FBRS: variants seen among roughly 807,000 people sequenced by gnomAD.
The protein encoded by FBRS is fibrosin.
A neutral mutation model predicts 86.1 loss-of-function variants in FBRS; 15 were observed. The ratio of observed to expected loss-of-function variants is 0.17; its 90% CI spans 0.12 to 0.27. The LOEUF is 0.27. Ranked by LOEUF, FBRS falls within the 10% of genes least tolerant of loss-of-function variation. The pLI is 1.00. For missense variants in FBRS, 1,367 were observed against 1,301.6 expected (o/e 1.05, Z -0.77); for synonymous variants, 666 against 575.8 (o/e 1.16, Z -2.24).
chr16:30,666,039 T>G (rs2052518722), intron 11 of FBRS: 1 of 403,244 alleles, frequency 2.5e-6, no homozygotes, highest in Non-Finnish European at 4.5e-6. Flanking sequence ...TGCCCCTTGG[T>G]GAAGTGAGGA....
chr16:30,664,425 C>CCCGGGG lies in FBRS; in HGVS notation c.1266_1267insCCGGGG (p.Ser422_Leu423insProGly). The CCCGGGG allele has an allele frequency of 7.1e-7, 1 of 1,401,656 alleles. No homozygotes were observed. The highest frequency in any genetic ancestry group is 9.5e-7 in the Non-Finnish European group (1 of 1,054,478). 86.8% of individuals were successfully genotyped at this position (1,401,656 alleles called of 1,614,324 possible). On this transcript the variant is annotated inframe_insertion, in exon 7 of 18. Transcript: ENST00000356166. ...CCCCCCCACCACCCCACCACCCCTCCTTGTTCTCCCCTGGCCCCACCCTGC... is the reference window on the plus strand; with the variant it reads ...CCCCCCCACCACCCCACCACCCCTCCCCGGGGTTGTTCTCCCCTGGCCCCACCCTGC...
rs1177759757 is a variant in FBRS at position 30,660,161 on chromosome 16, C to T, written c.460-102C>T. On this transcript the variant is annotated intron_variant, in intron 1 of 17. Transcript: ENST00000356166. ...GAGGTAGAGCTCGTCTCTGGGGACC[C>T]GGTTTCCCGGCCCGAGGGGTACTTC... 5.7e-6 allele frequency: 8 copies of T among 1,409,746 alleles called. No individual in the cohort carries two copies. In the Admixed American group the frequency reaches 1.3e-4, roughly 22 times the overall value. 87.3% of individuals were successfully genotyped at this position (1,409,746 alleles called of 1,614,324 possible). A position where few individuals can be genotyped will look rare whatever the true frequency, so the allele number is the denominator to read the frequency against.
Position 30,667,587 on chromosome 16 carries a change from C to T in FBRS, c.2039C>T (p.Ala680Val). The T allele has an allele frequency of 6.5e-7, 1 of 1,541,430 alleles. No individual in the cohort carries two copies. Among genetic ancestry groups the T allele is most frequent in the Non-Finnish European group, 8.8e-7 (1 of 1,142,218 alleles). ...AANPFTAAPGAHGPFLSPSTH... is the reference protein window; with the variant it reads ...AANPFTAAPGVHGPFLSPSTH... ...AACCCTTTCACGGCAGCTCCCGGGG[C>T]CCACGGACCCTTCCTGAGCCCCAGC... The change falls in exon 15 of 18, where the codon GCC becomes GTC. Residue 680 changes from alanine (A) to valine (V), a missense_variant. Around this residue, in one of 3 missense-constraint regions of FBRS, gnomAD observed 659 missense variants for 678.8 expected, o/e 0.97. Transcript: ENST00000356166.
chr16:30,668,422 A>G, intron 15 of FBRS, 138 bp from the exon 16 acceptor site: 6 of 726,766 alleles, frequency 8.3e-6, no homozygotes, highest in Non-Finnish European at 4.7e-6. Context: ...TCCTGGCCCA[A>G]GGAAGTGCTC....
rs1441989582 is a variant in FBRS at position 30,662,689 on chromosome 16, A to G, written c.885A>G (p.Pro295=). The change falls in exon 6 of 18, where the codon CCA becomes CCG. Residue 295 remains proline, a synonymous_variant. Transcript: ENST00000356166. Reference sequence around the variant, plus strand: ...ACCCGCTGCTAGTGCCTTTCCCCCCAAAGGAACCACCGCCTCCACCGGTCC... The same window carrying G: ...ACCCGCTGCTAGTGCCTTTCCCCCCGAAGGAACCACCGCCTCCACCGGTCC... ...GPDPLLVPFP[P]KEPPPPPVPR... The G allele has an allele frequency of 6.5e-7, 1 of 1,548,874 alleles. No individual in the cohort carries two copies. Among genetic ancestry groups the G allele is most frequent in the African/African-American group, 1.4e-5 (1 of 73,080 alleles).
At position 30,659,388 on chromosome 16, in the gene FBRS, C is replaced by G. The variant is rs1056390699; in HGVS notation, c.-131C>G. ...TGGGGCAAGCTCGGGGCCAGCAGAT[C>G]CGGCTTTAAAGGAGAAGCCGTGGCC... On this transcript the variant is annotated 5_prime_UTR_variant, in exon 1 of 18. The change creates a new upstream start codon in the 5' untranslated region. Coordinates refer to ENST00000356166, the MANE Select transcript of FBRS (RefSeq NM_001105079.3). The G allele has an allele frequency of 1.5e-5, 3 of 199,846 alleles. No individual in the cohort carries two copies. Among genetic ancestry groups the G allele is most frequent in the African/African-American group, 7.1e-5 (3 of 42,346 alleles). 12.4% of individuals were successfully genotyped at this position (199,846 alleles called of 1,614,324 possible). A position where few individuals can be genotyped will look rare whatever the true frequency, so the allele number is the denominator to read the frequency against.
Position 30,664,916 on chromosome 16 carries a change from A to C in FBRS, c.1559A>C (p.His520Pro). ...GGCCTGCTGCCACCCCACGGCCCCC[A>C]CATGGTGAGCTCCTCATTGGGCTGG... Reference protein sequence around the residue: ...PPGLLPPHGPHMFEKYPGKME... With the variant: ...PPGLLPPHGPPMFEKYPGKME... The change falls in exon 8 of 18, where the codon CAC (histidine) becomes CCC (proline). Residue 520 changes from histidine (H) to proline (P), a missense_variant. His to Pro is a moderately conservative substitution (Grantham distance 77). Around this residue, in one of 3 missense-constraint regions of FBRS, gnomAD observed 659 missense variants for 678.8 expected, o/e 0.97. Transcript: ENST00000356166. 1 of 1,610,670 alleles carries C rather than the reference A, an allele frequency of 6.2e-7. No homozygotes were observed. Among genetic ancestry groups the C allele is most frequent in the Non-Finnish European group, 8.5e-7 (1 of 1,178,304 alleles).
rs953116087 is a variant in FBRS, at chr16:30,669,228, CGCT to C, written c.2529_2531del (p.Ala849del). On this transcript the variant is annotated inframe_deletion, in exon 18 of 18. Transcript: ENST00000356166. The surrounding 1 kb of genome is among the most constrained non-coding windows in gnomAD (Gnocchi z 5.9). ...CCGCTGCCGCTGCTGCTGCCGCCGCCGCTGCCGCCGCCGCAGCAGCCACTGGGC... is the reference window on the plus strand; with the variant it reads ...CCGCTGCCGCTGCTGCTGCCGCCGCCGCCGCCGCCGCAGCAGCCACTGGGC... The C allele has an allele frequency of 1.3e-6, 2 of 1,543,400 alleles. No homozygotes were observed. Among genetic ancestry groups the C allele is most frequent in the Non-Finnish European group, 1.8e-6 (2 of 1,142,348 alleles).
Position 30,662,560 on chromosome 16 carries a change from C to T in FBRS, c.756C>T (p.Ala252=). ...CATGTCTGCCATCCTGCCCCACAGC[C>T]TCGGGCCCCCACGGCGCCTTCAATG... is the stretch of plus-strand genomic sequence containing the variant. ...DPSFTVSTSK[A]SGPHGAFNGN... is the part of the protein sequence containing the mutation. The change falls in exon 6 of 18, where the codon GCC becomes GCT. Residue 252 remains alanine, a splice_region_variant and synonymous_variant. Transcript: ENST00000356166. 1.3e-6 allele frequency: 2 copies of T among 1,544,892 alleles called. No homozygotes were observed. Among genetic ancestry groups the T allele is most frequent in the East Asian group, 2.5e-5 (1 of 40,788 alleles).
At position 30,669,422 on chromosome 16, in the gene FBRS, C is replaced by A; in HGVS notation, c.2720C>A (p.Pro907His). The stretch of plus-strand genomic sequence containing the variant: ...GAGGCGGGTGAGGAGCTAACTGGAC[C>A]CGGGGCCGTGGCCGCTGCCCGCCTC... Reference protein sequence around the residue: ...FYEAGEELTGPGAVAAARLYG... With the variant: ...FYEAGEELTGHGAVAAARLYG... The change falls in exon 18 of 18, where the codon CCC (proline) becomes CAC (histidine). Residue 907 changes from proline to histidine, a missense_variant. Around this residue, in one of 3 missense-constraint regions of FBRS, gnomAD observed 659 missense variants for 678.8 expected, o/e 0.97. Transcript: ENST00000356166. This position sits in a 1 kb window ranked among gnomAD's most constrained non-coding sequence, Gnocchi z 5.9. 1 of 1,612,844 alleles carries A rather than the reference C, an allele frequency of 6.2e-7. No homozygotes were observed. The highest frequency in any genetic ancestry group is 1.1e-5 in the South Asian group (1 of 91,084).
Position 30,668,987 on chromosome 16 carries a change from T to TCCCCCCCCCCCCCGCCCCCCCCC in FBRS, c.2366+11_2366+12insCCCCCCCCCCGCCCCCCCCCCCC. ...CAAGGAGGAGAAGGACAGGTGTGCC[T>TCCCCCCCCCCCCCGCCCCCCCCC]CCCACCCACCCTGCCCCTGCCCCAC... is the stretch of plus-strand genomic sequence containing the variant. On this transcript the variant is annotated intron_variant, in intron 17 of 17. Transcript: ENST00000356166. 6.8e-7 allele frequency: 1 copy of TCCCCCCCCCCCCCGCCCCCCCCC among 1,481,134 alleles called. No individual in the cohort carries two copies. Among genetic ancestry groups the TCCCCCCCCCCCCCGCCCCCCCCC allele is most frequent in the Non-Finnish European group, 9.2e-7 (1 of 1,088,976 alleles). The allele number at this position is 1,481,134 out of a possible 1,614,324, so 91.7% of individuals were successfully genotyped here.
In FBRS at chr16:30,665,527, A is replaced by G. The variant is rs2052512993; in HGVS notation, c.1705-111A>G. The G allele has an allele frequency of 1.4e-6, 2 of 1,437,772 alleles. No individual in the cohort carries two copies. Among genetic ancestry groups the G allele is most frequent in the Admixed American group, 2.0e-5 (1 of 50,558 alleles). The allele number at this position is 1,437,772 out of a possible 1,614,324, so 89.1% of individuals were successfully genotyped here. A position where few individuals can be genotyped will look rare whatever the true frequency, so the allele number is the denominator to read the frequency against. On this transcript the variant is annotated intron_variant, in intron 10 of 17. Coordinates refer to ENST00000356166, the MANE Select transcript of FBRS (RefSeq NM_001105079.3). The surrounding 1 kb of genome is among the most constrained non-coding windows in gnomAD (Gnocchi z 4.1). ...CCTCCTGCCCTGCCCTGCTGCACCC[A>G]GTTTTCTCCAAAGCCATGATCCCTC...
chr16:30,666,978 G>A lies in FBRS; in HGVS notation c.1863G>A (p.Gln621=). Residue 621 remains glutamine (Q), a synonymous_variant, in exon 13 of 18, where the codon CAG becomes CAA. Transcript: ENST00000356166. ...TGGCTTACATGATCCTGAGACACCA[G>A]GAGAAAATGAAGGTACTGGGGCCGG... is the stretch of plus-strand genomic sequence containing the variant. ...VRVAYMILRH[Q]EKMKGDSHKL... The A allele has an allele frequency of 5.0e-6, 8 of 1,610,484 alleles. No homozygotes were observed. Among genetic ancestry groups the A allele is most frequent in the African/African-American group, 1.3e-5 (1 of 75,010 alleles).
Position 30,662,682 on chromosome 16 carries a change from T to A in FBRS, c.878T>A (p.Phe293Tyr). The change falls in exon 6 of 18, where the codon TTC (phenylalanine) becomes TAC (tyrosine). Residue 293 changes from phenylalanine to tyrosine, a missense_variant. Coordinates refer to ENST00000356166, the MANE Select transcript of FBRS (RefSeq NM_001105079.3). ...GGGCCCGACCCGCTGCTAGTGCCTT[T>A]CCCCCCAAAGGAACCACCGCCTCCA... ...PPGPDPLLVP[F>Y]PPKEPPPPPV... The A allele has an allele frequency of 1.9e-6, 3 of 1,548,684 alleles. No homozygotes were observed. In the East Asian group the frequency reaches 7.4e-5, roughly 38 times the overall value.
intron 4 of FBRS, 23 bp downstream of exon 4, chr16:30,661,356 T>G: frequency 6.4e-7 from 1 of 1,550,652 alleles, no homozygotes; most frequent in Non-Finnish European, 8.7e-7. Flanking sequence ...AGAGCTTGGG[T>G]GGGCAGTGTC....
chr16:30,663,933 C>T (rs573636782), intron 6 of FBRS, among the ~76,000 whole-genome samples: 5 of 152,306 alleles, frequency 3.3e-5, no homozygotes, highest in Non-Finnish European at 5.9e-5. Context: ...ATGATCTGTT[C>T]TGTGCTGTGG....
rs753991538 is a variant in FBRS, at chr16:30,662,806, C to G, written c.1002C>G (p.Pro334=). 4.6e-5 allele frequency: 68 copies of G among 1,482,646 alleles called. No homozygotes were observed. Among genetic ancestry groups the G allele is most frequent in the Admixed American group, 9.6e-5 (4 of 41,734 alleles). 91.8% of individuals were successfully genotyped at this position (1,482,646 alleles called of 1,614,324 possible). ...PQPQLQLRVS[P]FGLRTSPYGS... ...CCCAGCTGCAGCTTCGGGTCTCACC[C>G]TTCGGCCTCCGCACTTCTCCATATG... The change falls in exon 6 of 18, where the codon CCC becomes CCG. Residue 334 remains proline (P), a synonymous_variant. Coordinates refer to ENST00000356166, the MANE Select transcript of FBRS (RefSeq NM_001105079.3).
rs1238596239 is a variant in FBRS, at chr16:30,661,316, A to G, written c.688A>G (p.Ser230Gly). The change falls in exon 4 of 18, where the codon AGT becomes GGT. Residue 230 changes from serine (S) to glycine (G), a missense_variant. Ser to Gly is a moderately conservative substitution (Grantham distance 56). Around this residue, in one of 3 missense-constraint regions of FBRS, gnomAD observed 702 missense variants for 598.7 expected, o/e 1.17. Coordinates refer to ENST00000356166, the MANE Select transcript of FBRS (RefSeq NM_001105079.3). Reference protein sequence around the residue: ...LEAGYICDAESDLDERVSDDD... With the variant: ...LEAGYICDAEGDLDERVSDDD... Reference sequence around the variant, plus strand: ...TCCTTCTCCCCAGTGTGACGCGGAAAGTGATCTGGACGAGAGGGTGAGTGG... The same window carrying G: ...TCCTTCTCCCCAGTGTGACGCGGAAGGTGATCTGGACGAGAGGGTGAGTGG... 6.4e-7 allele frequency: 1 copy of G among 1,550,620 alleles called. No homozygotes were observed. Among genetic ancestry groups the G allele is most frequent in the Non-Finnish European group, 8.7e-7 (1 of 1,147,010 alleles).
chr16:30,665,952 T>C lies in FBRS; in HGVS notation c.1773+246T>C, dbSNP rs2052518002. ...GGTTTTTGTAGTGGTTTTCAAACTT[T>C]TTAATAAAGTTACAAAACACTTTTT... is the stretch of plus-strand genomic sequence containing the variant. On this transcript the variant is annotated intron_variant, in intron 11 of 17. Coordinates refer to ENST00000356166, the MANE Select transcript of FBRS (RefSeq NM_001105079.3). The surrounding 1 kb of genome is among the most constrained non-coding windows in gnomAD (Gnocchi z 4.1). 1 of 512,240 alleles carries C rather than the reference T, an allele frequency of 2.0e-6. No individual in the cohort carries two copies. The highest frequency in any genetic ancestry group is 3.4e-6 in the Non-Finnish European group (1 of 291,174). The allele number at this position is 512,240 out of a possible 1,614,324, so 31.7% of individuals were successfully genotyped here.
Sources: allele counts gnomAD v4.1 joint callset (sites outside exome capture counted in the v4.1 genomes callset), GRCh38; gene constraint gnomAD v4.1.1; regional missense constraint gnomAD v4.1.1; non-coding constraint Gnocchi (gnomAD v3.1); transcripts MANE v1.5; gene names NCBI Gene and HGNC (gene_info 2026-07-23, HGNC 2026-07-21).